The following LRP2 variants were observed in gnomAD, a reference collection of about 807,000 sequenced individuals.
LRP2 encodes the protein low-density lipoprotein receptor-related protein 2.
LRP2 carries 172 observed loss-of-function variants against 531.0 expected under a neutral mutation model. The observed-to-expected ratio is 0.32, with a 90% CI of 0.29 to 0.37. The LOEUF (loss-of-function observed/expected upper bound fraction) is 0.37, where lower values mean the gene tolerates loss of function less well. Among genes scored for constraint, LRP2 ranks in the 10% least tolerant of loss-of-function variants. The pLI, the probability that LRP2 is intolerant of heterozygous loss-of-function variation, is 1.00. For synonymous variants in LRP2, 1,992 were observed against 2,027.6 expected (o/e 0.98, Z 0.47); for missense variants, 5,167 against 5,868.3 (o/e 0.88, Z 3.90).
intron 45 of LRP2, among the ~76,000 whole-genome samples, chr2:169,197,338 G>T (rs1382752819): frequency 6.6e-6 from 1 of 151,878 alleles, no homozygotes; most frequent in Non-Finnish European, 1.5e-5. Flanking sequence ...TATAAGTCTT[G>T]GTTTTATTTT....
chr2:169,278,205 C>A lies in LRP2; in HGVS notation c.1566-254G>T, dbSNP rs141973555. Among the ~76,000 whole-genome samples the A allele has an allele frequency of 2.2e-3, 342 of 152,134 alleles. 2 individuals carry two copies. The highest frequency in any genetic ancestry group is 7.6e-3 in the African/African-American group (315 of 41,484). On this transcript the variant is annotated intron_variant, in intron 12 of 78. Transcript: ENST00000649046. ...AGTCTAAAAGTTCATATTCAGCCAG[C>A]CAGGCACAGTGGTTCATGCCTGTGG...
intron 21 of LRP2, among the ~76,000 whole-genome samples, chr2:169,246,198 T>A (rs1461791697): frequency 6.6e-6 from 1 of 152,018 alleles, no homozygotes; most frequent in Non-Finnish European, 1.5e-5. Flanking sequence ...TTTTTATTTA[T>A]TTATTATTAT....
chr2:169,166,115 C>T, intron 61 of LRP2, 61 bp from the exon 62 acceptor site: 2 of 1,561,348 alleles, frequency 1.3e-6, no homozygotes, highest in Middle Eastern at 1.7e-4. Flanking sequence ...GTGTCAATAT[C>T]TAAAATACTC....
chr2:169,336,532 T>C (rs1434609390), intron 1 of LRP2, among the ~76,000 whole-genome samples: 8 of 143,970 alleles, frequency 5.6e-5, no homozygotes, highest in East Asian at 2.0e-4. Flanking sequence ...AGAGCAAGAC[T>C]CCATCACACA....
chr2:169,203,602 A>T (rs1437201533), intron 42 of LRP2, among the ~76,000 whole-genome samples: 1 of 152,194 alleles, frequency 6.6e-6, no homozygotes, highest in Non-Finnish European at 1.5e-5. Flanking sequence ...TCTACTAAAA[A>T]TACAAAAATT....
chr2:169,160,880 G>GTGGGACT (rs1008096537), intron 63 of LRP2, among the ~76,000 whole-genome samples: 3 of 152,124 alleles, frequency 2.0e-5, no homozygotes, highest in African/African-American at 4.8e-5. Context: ...CACAGAAAAC[G>GTGGGACT]TATGTGAAAT....
At chr2:169,328,999 T>C (rs920249391) in intron 1 of LRP2, among the ~76,000 whole-genome samples, 14 of 152,172 alleles carry the variant, frequency 9.2e-5, no homozygotes, top group African/African-American at 3.1e-4. Flanking sequence ...TCACAGCTAG[T>C]AGGTAGTGGA....
chr2:169,170,733 G>T (rs1686966827), intron 58 of LRP2, 66 bp from the exon 59 acceptor site: 1 of 1,133,256 alleles, frequency 8.8e-7, no homozygotes. Context: ...CATCTTGTGA[G>T]CTGACCATAG....
At chr2:169,217,086 CA>C (rs1688825494) in intron 34 of LRP2, among the ~76,000 whole-genome samples, 1 of 152,128 alleles carries the variant, frequency 6.6e-6, no homozygotes, top group Admixed American at 6.6e-5. Flanking sequence ...ACAGCATTGC[CA>C]AATCCATGAT....
intron 7 of LRP2, among the ~76,000 whole-genome samples, 167 bp from the exon 8 acceptor site, chr2:169,291,164 C>T (rs1683989457): frequency 6.6e-6 from 1 of 152,164 alleles, no homozygotes; most frequent in Non-Finnish European, 1.5e-5. Flanking sequence ...TAGTCTTTTA[C>T]TGAGATTCTA....
At chr2:169,288,716 A>G (rs553625871) in intron 9 of LRP2, among the ~76,000 whole-genome samples, 3 of 152,344 alleles carry the variant, frequency 2.0e-5, no homozygotes, top group Non-Finnish European at 4.4e-5. Context: ...GTATGGCTGC[A>G]CCAATCCTGA....
intron 52 of LRP2, among the ~76,000 whole-genome samples, chr2:169,178,984 GATTT>G (rs3083236): frequency 0.073 from 10,714 of 146,018 alleles, 410 homozygotes; most frequent in African/African-American, 0.08. Flanking sequence ...GTCACCATCT[GATTT>G]ATTTATTTAT....
intron 33 of LRP2, 116 bp downstream of exon 33, chr2:169,225,194 C>G (rs1274028121): frequency 1.9e-6 from 2 of 1,073,604 alleles, no homozygotes; most frequent in East Asian, 4.9e-5. Flanking sequence ...ATATCTTTTC[C>G]CTTTTTCTTT....
At position 169,279,466 on chromosome 2, in the gene LRP2, T is replaced by C. The variant is rs781699794; in HGVS notation, c.1471A>G (p.Ile491Val). Residue 491 changes from isoleucine (I) to valine (V), a missense_variant, in exon 12 of 79, where the codon ATA becomes GTA. Coordinates refer to ENST00000649046, the MANE Select transcript of LRP2 (RefSeq NM_004525.3). ...CTTCCATCCAAATTTACCATATCTA[T>C]GCGGTTGACCTTGGTTTCCACTAGA... ...IYLVETKVNR[I>V]DMVNLDGSYR... 2.5e-6 allele frequency: 4 copies of C among 1,614,048 alleles called. No homozygotes were observed. The Admixed American group carries it at 5.0e-5, about 20-fold the overall frequency.
intron 9 of LRP2, among the ~76,000 whole-genome samples, chr2:169,285,004 T>C (rs959405871): frequency 6.6e-6 from 1 of 151,838 alleles, no homozygotes; most frequent in Admixed American, 6.6e-5. Flanking sequence ...GCACTACAAG[T>C]GGTTTAAAGA....
At chr2:169,293,506 T>C (rs1684054929) in intron 6 of LRP2, among the ~76,000 whole-genome samples, 1 of 152,042 alleles carries the variant, frequency 6.6e-6, no homozygotes, top group Admixed American at 6.5e-5. Context: ...TGAAACCCCA[T>C]CTCTACTAAA....
chr2:169,219,516 A>C (rs1688912194), intron 34 of LRP2, among the ~76,000 whole-genome samples: 1 of 152,082 alleles, frequency 6.6e-6, no homozygotes, highest in Non-Finnish European at 1.5e-5. Context: ...TCTCCACATC[A>C]ATCCTGACCA....
chr2:169,159,506 C>A (rs1409886424), intron 63 of LRP2, among the ~76,000 whole-genome samples: 1 of 152,106 alleles, frequency 6.6e-6, no homozygotes, highest in African/African-American at 2.4e-5. Context: ...AATAAAGATC[C>A]TAGCCTTTAT....
At chr2:169,225,894 A>T (rs1239459400) in intron 32 of LRP2, among the ~76,000 whole-genome samples, 2 of 152,236 alleles carry the variant, frequency 1.3e-5, no homozygotes, top group Admixed American at 1.3e-4. Context: ...TCTGAGGAAG[A>T]GAACTGGAGA....
Sources: allele counts gnomAD v4.1 joint callset (sites outside exome capture counted in the v4.1 genomes callset), GRCh38; gene constraint gnomAD v4.1.1; transcripts MANE v1.5; gene names NCBI Gene and HGNC (gene_info 2026-07-23, HGNC 2026-07-21).